BTRC: variants seen among roughly 807,000 people sequenced by gnomAD.
BTRC encodes beta-transducin repeat containing E3 ubiquitin protein ligase.
In BTRC, 42 loss-of-function variants were observed where a neutral mutation model predicts 85.5. That is an observed-to-expected ratio of 0.49 (90% CI 0.38 to 0.64). The LOEUF (loss-of-function observed/expected upper bound fraction) is 0.64. Among genes scored for constraint, BTRC ranks in the 30% least tolerant of loss-of-function variants. The pLI is 0.00. For synonymous variants in BTRC, 255 were observed against 263.3 expected (o/e 0.97, Z 0.30); for missense variants, 594 against 743.5 (o/e 0.80, Z 2.34).
At chr10:101,546,171 A>C (rs1441799776) in intron 13 of BTRC, among the ~76,000 whole-genome samples, 2 of 152,220 alleles carry the variant, frequency 1.3e-5, no homozygotes, top group Non-Finnish European at 2.9e-5. Context: ...AGCAGAATAC[A>C]CATTCTTCTC....
At chr10:101,535,613 G>A (rs936683289) in intron 11 of BTRC, 141 bp downstream of exon 11, 3 of 529,194 alleles carry the variant, frequency 5.7e-6, no homozygotes, top group Non-Finnish European at 9.4e-6. Flanking sequence ...CAGGTCAGAA[G>A]TTTGCCCCAG....
At chr10:101,528,217 A>G (rs2062229146) in intron 6 of BTRC, among the ~76,000 whole-genome samples, 1 of 152,228 alleles carries the variant, frequency 6.6e-6, no homozygotes. Context: ...AACCTTCATC[A>G]TAAATTGGGA....
intron 1 of BTRC, among the ~76,000 whole-genome samples, chr10:101,413,028 ACT>A (rs1943825020): frequency 6.6e-6 from 1 of 152,240 alleles, no homozygotes; most frequent in Admixed American, 6.5e-5. Context: ...GAAAATTGAC[ACT>A]GTCACCATTT....
chr10:101,439,657 T>C (rs974643957), intron 2 of BTRC, among the ~76,000 whole-genome samples: 2 of 152,212 alleles, frequency 1.3e-5, no homozygotes, highest in Non-Finnish European at 2.9e-5. Context: ...CTTAAATGCA[T>C]GAAAAGGGAC....
rs755279010 is a variant in BTRC at position 101,414,622 on chromosome 10, A to G, written c.49-15723A>G. 2 of 516,860 alleles carry G rather than the reference A, an allele frequency of 3.9e-6. 1 individual carries two copies. The highest frequency in any genetic ancestry group is 7.7e-6 in the Non-Finnish European group (2 of 259,096). 32.0% of individuals were successfully genotyped at this position (516,860 alleles called of 1,614,324 possible). On this transcript the variant is annotated intron_variant, in intron 1 of 14. Transcript: ENST00000370187. ...GAAAAAGGCATTGATGTCATAGGAG[A>G]TGACAGGTCCATAGATGTTAATTGC...
chr10:101,460,738 G>C (rs2134167105), intron 2 of BTRC, among the ~76,000 whole-genome samples: 1 of 152,182 alleles, frequency 6.6e-6, no homozygotes, highest in East Asian at 1.9e-4. Flanking sequence ...TTTACATGTA[G>C]GTTTAGAACA....
At chr10:101,533,868 A>G (rs1442784565) in intron 9 of BTRC, among the ~76,000 whole-genome samples, 1 of 152,188 alleles carries the variant, frequency 6.6e-6, no homozygotes, top group East Asian at 1.9e-4. Context: ...TGGCCCTTGT[A>G]GTTACTGACA....
intron 1 of BTRC, among the ~76,000 whole-genome samples, chr10:101,387,528 C>CTTTTTTTTTTTTGTTTTTTTTTTTTT (rs1943112050): frequency 2.2e-5 from 1 of 45,122 alleles, no homozygotes; most frequent in Non-Finnish European, 3.4e-5. Flanking sequence ...CTTCATGGGA[C>CTTTTTTTTTTTTGTTTTTTTTTTTTT]TTTTTTTTTT....
chr10:101,550,562 G>C (rs1030302844), intron 13 of BTRC, 137 bp from the exon 14 acceptor site: 5 of 812,274 alleles, frequency 6.2e-6, no homozygotes, highest in African/African-American at 5.1e-5. Flanking sequence ...GATTACAGGT[G>C]TGAGCCACTG....
intron 14 of BTRC, among the ~76,000 whole-genome samples, chr10:101,552,739 C>G (rs755449854): frequency 3.3e-5 from 5 of 152,208 alleles, no homozygotes; most frequent in Non-Finnish European, 7.3e-5. Context: ...TACCCTGCAG[C>G]CACACAGCCA....
intron 1 of BTRC, among the ~76,000 whole-genome samples, chr10:101,429,988 G>A (rs1232579353): frequency 2.0e-5 from 3 of 152,040 alleles, no homozygotes; most frequent in Non-Finnish European, 4.4e-5. Flanking sequence ...ACACCCTGTG[G>A]TGAGTTTATG....
At chr10:101,466,477 C>T (rs1945375895) in intron 3 of BTRC, among the ~76,000 whole-genome samples, 1 of 152,162 alleles carries the variant, frequency 6.6e-6, no homozygotes, top group African/African-American at 2.4e-5. Context: ...AACCATCTGG[C>T]TCAGGGCATT....
At chr10:101,403,589 C>T (rs192810165) in intron 1 of BTRC, among the ~76,000 whole-genome samples, 107 of 152,118 alleles carry the variant, frequency 7.0e-4, no homozygotes, top group African/African-American at 2.6e-3. Context: ...CCCTGACCCC[C>T]TTTTTTTACT....
intron 4 of BTRC, among the ~76,000 whole-genome samples, chr10:101,512,160 C>T (rs2061965468): frequency 6.6e-6 from 1 of 152,208 alleles, no homozygotes; most frequent in Non-Finnish European, 1.5e-5. Flanking sequence ...ATTGATACCA[C>T]TAAAGTTCCA....
rs1317821061 is a variant in BTRC at position 101,438,477 on chromosome 10, C to T, written c.156+8025C>T. On this transcript the variant is annotated intron_variant, in intron 2 of 14. Coordinates refer to ENST00000370187, the MANE Select transcript of BTRC (RefSeq NM_033637.4). ...TCTTCTCATTAGCAATATAAGTAAT[C>T]TAATTTTATGTTTTTATGTCTCACA... Among the ~76,000 whole-genome samples, 6 of 131,354 alleles carry T rather than the reference C, an allele frequency of 4.6e-5. No homozygotes were observed. The South Asian group carries it at 1.1e-3, about 24-fold the overall frequency. 86.2% of individuals were successfully genotyped at this position (131,354 alleles called of 152,430 possible).
rs530016511 is a variant in BTRC, at chr10:101,555,772, G to T, written c.*2649G>T. The T allele has an allele frequency of 6.6e-6, 1 of 152,562 alleles. No individual in the cohort carries two copies. Among genetic ancestry groups the T allele is most frequent in the Non-Finnish European group, 1.5e-5 (1 of 68,030 alleles). 9.5% of individuals were successfully genotyped at this position (152,562 alleles called of 1,614,324 possible). ...AAGGAGTGGTAGAAACAGAGCTGAA[G>T]GTGTCCCCATTGTAGATTAGTCTCT... On this transcript the variant is annotated 3_prime_UTR_variant, in exon 15 of 15. Coordinates refer to ENST00000370187, the MANE Select transcript of BTRC (RefSeq NM_033637.4).
chr10:101,529,963 T>C (rs1026111581), intron 6 of BTRC, among the ~76,000 whole-genome samples: 20 of 152,188 alleles, frequency 1.3e-4, no homozygotes, highest in African/African-American at 4.3e-4. Flanking sequence ...AGTACACCCA[T>C]AGTGGGGTTT....
chr10:101,369,993 C>T (rs1942586754), intron 1 of BTRC, among the ~76,000 whole-genome samples: 4 of 152,230 alleles, frequency 2.6e-5, no homozygotes, highest in Admixed American at 2.0e-4. Flanking sequence ...GGCCTACACC[C>T]TTCCATGAAC....
chr10:101,490,776 C>T (rs550676204), intron 4 of BTRC, among the ~76,000 whole-genome samples: 1 of 152,234 alleles, frequency 6.6e-6, no homozygotes, highest in South Asian at 2.1e-4. Flanking sequence ...TATCTCTTTT[C>T]GGCTGGGTGT....
Sources: allele counts gnomAD v4.1 joint callset (sites outside exome capture counted in the v4.1 genomes callset), GRCh38; gene constraint gnomAD v4.1.1; transcripts MANE v1.5; gene names NCBI Gene and HGNC (gene_info 2026-07-23, HGNC 2026-07-21).